AHCTF1: variants seen among roughly 807,000 people sequenced by gnomAD.
AHCTF1 encodes AT-hook containing transcription factor 1.
Under a neutral mutation model 248.4 loss-of-function variants are expected in AHCTF1, and 24 were observed. The ratio of observed to expected loss-of-function variants is 0.10; its 90% CI spans 0.07 to 0.14. The LOEUF is 0.14. Among genes scored for constraint, AHCTF1 ranks in the 10% least tolerant of loss-of-function variants. AHCTF1 has a pLI of 1.00. For missense variants in AHCTF1, 2,206 were observed against 2,636.2 expected, an observed-to-expected ratio of 0.84 and a Z score of 3.57; for synonymous variants, 786 against 929.8, an observed-to-expected ratio of 0.85 and a Z score of 2.81.
intron 15 of AHCTF1, 26 bp downstream of exon 15, chr1:246,891,753 C>G (rs1357816294): frequency 6.2e-7 from 1 of 1,601,892 alleles, no homozygotes. Flanking sequence ...TAATAAAACA[C>G]TCATTTGATA....
At chr1:246,872,775 T>C (rs1399348679) in intron 24 of AHCTF1, among the ~76,000 whole-genome samples, 1 of 152,190 alleles carries the variant, frequency 6.6e-6, no homozygotes, top group Non-Finnish European at 1.5e-5. Flanking sequence ...TTGGCATGAT[T>C]GAACCTTCGA....
chr1:246,885,511 G>A lies in AHCTF1; in HGVS notation c.2642C>T (p.Thr881Ile), dbSNP rs1663750712. The change falls in exon 21 of 36, where the codon ACT becomes ATT. Residue 881 changes from threonine to isoleucine, a missense_variant. Physicochemically the swap from Thr to Ile is moderately conservative, Grantham distance 89 (BLOSUM62 -1). Around this residue, in one of 6 missense-constraint regions of AHCTF1, gnomAD observed 650 missense variants for 870.8 expected, o/e 0.75. Transcript: ENST00000648844. ...SSGNDVILHL[T>I]VLLFNRCMVE... ...TACTTACCTATTAAAAAGCAAAACA[G>A]TGAGGTGAAGGATAACATCGTTACC... 2 of 1,597,498 alleles carry A rather than the reference G, an allele frequency of 1.3e-6. No individual in the cohort carries two copies. Among genetic ancestry groups the A allele is most frequent in the South Asian group, 1.1e-5 (1 of 89,746 alleles).
intron 1 of AHCTF1, among the ~76,000 whole-genome samples, chr1:246,927,359 T>TA (rs1459980355): frequency 6.6e-6 from 1 of 152,000 alleles, no homozygotes; most frequent in Non-Finnish European, 1.5e-5. Flanking sequence ...CACGGCTGCA[T>TA]ACGCTTGTCA....
chr1:246,862,051 G>C lies in AHCTF1; in HGVS notation c.3643C>G (p.Pro1215Ala). 2.5e-6 allele frequency: 4 copies of C among 1,612,162 alleles called. No homozygotes were observed. The highest frequency in any genetic ancestry group is 3.4e-6 in the Non-Finnish European group (4 of 1,178,236). ...GGAGACCTTCCAGGTGATGGAGAGG[G>C]AGATGCTAAAGGTGTTGATCGAAGA... ...STLRSTPLASPSPSPGRSPQR... is the reference protein window; with the variant it reads ...STLRSTPLASASPSPGRSPQR... Residue 1215 changes from proline (P) to alanine (A), a missense_variant, in exon 28 of 36, where the codon CCC becomes GCC. By Grantham distance (27) the Pro-to-Ala change is conservative. Transcript: ENST00000648844.
At chr1:246,847,798 C>G (rs1183632790) in intron 33 of AHCTF1, among the ~76,000 whole-genome samples, 1 of 152,128 alleles carries the variant, frequency 6.6e-6, no homozygotes, top group Non-Finnish European at 1.5e-5. Flanking sequence ...ATCAGAATTA[C>G]TGAGATGTTT....
intron 5 of AHCTF1, among the ~76,000 whole-genome samples, chr1:246,905,954 T>C (rs1435597457): frequency 2.0e-5 from 3 of 152,024 alleles, no homozygotes; most frequent in Non-Finnish European, 2.9e-5. Context: ...GCCCAAGAGG[T>C]AGAACTGGGG....
At chr1:246,876,242 A>T in intron 23 of AHCTF1, 55 bp from the exon 24 acceptor site, 1 of 1,407,736 alleles carries the variant, frequency 7.1e-7, no homozygotes, top group Non-Finnish European at 9.5e-7. Context: ...TAGGTGCTGT[A>T]ATTCTATATT....
chr1:246,908,714 A>C (rs1176893443), intron 4 of AHCTF1, among the ~76,000 whole-genome samples: 57 of 145,110 alleles, frequency 3.9e-4, no homozygotes, highest in East Asian at 2.0e-3. Flanking sequence ...GGTGAAACCC[A>C]GTCTCTACTA....
chr1:246,912,329 A>G (rs1665869700), intron 4 of AHCTF1, among the ~76,000 whole-genome samples: 1 of 151,812 alleles, frequency 6.6e-6, no homozygotes, highest in Admixed American at 6.6e-5. Context: ...AAAAAAATAC[A>G]AAAATTAGCC....
intron 16 of AHCTF1, 29 bp downstream of exon 16, chr1:246,890,927 A>G: frequency 7.5e-7 from 1 of 1,325,066 alleles, no homozygotes; most frequent in Non-Finnish European, 1.0e-6. Context: ...TGTTTTAATT[A>G]ATACTTATAG....
chr1:246,918,765 G>C (rs1274159749), intron 1 of AHCTF1, among the ~76,000 whole-genome samples: 1 of 152,216 alleles, frequency 6.6e-6, no homozygotes, highest in Non-Finnish European at 1.5e-5. Flanking sequence ...CATTAAGCCA[G>C]ACGTACTAAG....
At chr1:246,842,802 T>G in intron 34 of AHCTF1, 26 bp from the exon 35 acceptor site, 1 of 1,584,134 alleles carries the variant, frequency 6.3e-7, no homozygotes, top group Non-Finnish European at 8.7e-7. Flanking sequence ...TTTAAAAGGT[T>G]AAGTATTAAA....
chr1:246,903,453 T>C (rs1348999457), intron 7 of AHCTF1, among the ~76,000 whole-genome samples: 1 of 152,240 alleles, frequency 6.6e-6, no homozygotes, highest in Non-Finnish European at 1.5e-5. Flanking sequence ...TTAAGAATGC[T>C]ACCTGGGTAA....
intron 29 of AHCTF1, among the ~76,000 whole-genome samples, chr1:246,859,742 A>AT (rs992910595): frequency 6.6e-6 from 1 of 151,778 alleles, no homozygotes; most frequent in African/African-American, 2.4e-5. Context: ...TGCCCAGCTA[A>AT]TTTTTTTATA....
At chr1:246,842,072 CGTG>C (rs1450876944) in intron 35 of AHCTF1, among the ~76,000 whole-genome samples, 1 of 151,426 alleles carries the variant, frequency 6.6e-6, no homozygotes, top group African/African-American at 2.4e-5. Flanking sequence ...GGATTACAGG[CGTG>C]AGCCACCACG....
chr1:246,893,217 A>C (rs1664340996), intron 14 of AHCTF1, among the ~76,000 whole-genome samples: 1 of 152,200 alleles, frequency 6.6e-6, no homozygotes, highest in Non-Finnish European at 1.5e-5. Context: ...TAAACACCTG[A>C]TAGTGTTCTT....
rs946812646 is a variant in AHCTF1, at chr1:246,911,665, G to T, written c.556+1567C>A. Among the ~76,000 whole-genome samples, 8 of 151,810 alleles carry T rather than the reference G, an allele frequency of 5.3e-5. No individual in the cohort carries two copies. The South Asian group carries it at 6.2e-4, about 12-fold the overall frequency. ...CACCTGGCTAATTTTATATTTTTTA[G>T]TAGAGACGGGGTTTCTCCATGTTGG... On this transcript the variant is annotated intron_variant, in intron 4 of 35. Transcript: ENST00000648844.
chr1:246,914,963 A>G (rs1176451493), intron 3 of AHCTF1, among the ~76,000 whole-genome samples: 2 of 152,140 alleles, frequency 1.3e-5, no homozygotes, highest in African/African-American at 4.8e-5. Context: ...GCAATAGTCT[A>G]CTTGTTTCTA....
intron 1 of AHCTF1, among the ~76,000 whole-genome samples, chr1:246,926,554 ACT>A (rs1463130366): frequency 1.3e-5 from 2 of 152,106 alleles, no homozygotes; most frequent in Non-Finnish European, 2.9e-5. Context: ...ACATCGAAAC[ACT>A]CTATTATTAG....
Sources: gnomAD v4.1 joint callset for allele counts (sites outside exome capture counted in the v4.1 genomes callset) on GRCh38, gnomAD v4.1.1 for gene constraint, gnomAD v4.1.1 regional missense constraint, MANE v1.5 for transcripts, NCBI Gene and HGNC (gene_info 2026-07-23, HGNC 2026-07-21) for gene names.